The following MAMLD1 variants were observed in gnomAD, a reference collection of about 807,000 sequenced individuals.
MAMLD1 encodes the protein mastermind-like domain-containing protein 1.
Under a neutral mutation model 45.0 loss-of-function variants are expected in MAMLD1, and 14 were observed. That is an observed-to-expected ratio of 0.31 (90% CI 0.21 to 0.49). The LOEUF is 0.49. MAMLD1 is among the 20% of genes least tolerant of loss of function. The pLI is 0.99. For missense variants in MAMLD1, 543 were observed against 603.6 expected, an observed-to-expected ratio of 0.90 and a Z score of 1.05; for synonymous variants, 254 against 247.8, an observed-to-expected ratio of 1.02 and a Z score of -0.24.
chrX:150,491,986 A>G (rs1049255949), intron 5 of MAMLD1, among the ~76,000 whole-genome samples: 5 of 112,539 alleles, frequency 4.4e-5, no homozygotes, highest in Non-Finnish European at 9.4e-5. Context: ...TGCTTTCAAA[A>G]TGGCCAGCTG....
At chrX:150,487,092 G>T (rs1033879852) in intron 5 of MAMLD1, among the ~76,000 whole-genome samples, 1 of 111,161 alleles carries the variant, frequency 9.0e-6, no homozygotes, top group African/African-American at 3.3e-5. Flanking sequence ...TCCAGGGGCT[G>T]CTGCTGCTGC....
chrX:150,491,160 C>T (rs1458247920), intron 5 of MAMLD1, among the ~76,000 whole-genome samples: 1 of 111,315 alleles, frequency 9.0e-6, no homozygotes, highest in African/African-American at 3.3e-5. Context: ...CCTCACAACA[C>T]CCCCAAGCAG....
At chrX:150,364,897 T>C (rs1385354188) in intron 1 of MAMLD1, among the ~76,000 whole-genome samples, 2 of 112,393 alleles carry the variant, frequency 1.8e-5, no homozygotes, top group African/African-American at 6.5e-5. Context: ...GTTCCCTGGT[T>C]GCGGTGAGCC....
chrX:150,430,019 CTTTTTTTTT>C (rs1174092962), intron 1 of MAMLD1, among the ~76,000 whole-genome samples: 6 of 49,228 alleles, frequency 1.2e-4, no homozygotes, highest in Middle Eastern at 0.033. Flanking sequence ...TCTTTCTTTT[CTTTTTTTTT>C]TTTTTTTTTT....
intron 1 of MAMLD1, among the ~76,000 whole-genome samples, chrX:150,383,634 A>C (rs1439597634): frequency 9.0e-6 from 1 of 111,166 alleles, no homozygotes; most frequent in African/African-American, 3.3e-5. Flanking sequence ...CACCGAATTC[A>C]CCCATTTAAA....
In MAMLD1 at chrX:150,470,410, A is replaced by G. The variant is rs782153873; in HGVS notation, c.837A>G (p.Ala279=). Residue 279 remains alanine, a synonymous_variant, in exon 4 of 8, where the codon GCA becomes GCG. Coordinates refer to ENST00000370401, the MANE Select transcript of MAMLD1 (RefSeq NM_005491.5). The part of the protein sequence containing the change: ...KQIVSPSSSM[A]QSKSQVQAML... ...TAGTGTCACCGAGTTCTTCAATGGC[A>G]CAGTCCAAGAGCCAGGTCCAGGCCA... 3 of 1,211,777 alleles carry G rather than the reference A, an allele frequency of 2.5e-6. No homozygotes were observed. In the South Asian group the frequency reaches 5.3e-5, roughly 21 times the overall value.
chrX:150,514,069 A>G lies in MAMLD1; in HGVS notation c.*2110A>G, dbSNP rs921840040. 43 of 278,524 alleles carry G rather than the reference A, an allele frequency of 1.5e-4. No individual in the cohort carries two copies. Among genetic ancestry groups the G allele is most frequent in the Non-Finnish European group, 6.9e-5 (11 of 159,176 alleles). 23.0% of individuals were successfully genotyped at this position (278,524 alleles called of 1,213,427 possible). A position where few individuals can be genotyped will look rare whatever the true frequency, so the allele number is the denominator to read the frequency against. On this transcript the variant is annotated 3_prime_UTR_variant, in exon 8 of 8. Transcript: ENST00000370401. Reference sequence around the variant, plus strand: ...CTCAGTGTCCAGACTTTCTGTAATCACATTTTAATTGCCACCTCGTATTTC... The same window carrying G: ...CTCAGTGTCCAGACTTTCTGTAATCGCATTTTAATTGCCACCTCGTATTTC...
rs1371393783 is a variant in MAMLD1, at chrX:150,512,817, C to T, written c.*858C>T. On this transcript the variant is annotated 3_prime_UTR_variant, in exon 8 of 8. Coordinates refer to ENST00000370401, the MANE Select transcript of MAMLD1 (RefSeq NM_005491.5). The stretch of plus-strand genomic sequence containing the variant: ...CAGTTCCCAGGTCCGTTCGACAGAA[C>T]GGATATTCCCCCTGAGCTGCCACCT... 9.5e-6 allele frequency: 11 copies of T among 1,154,213 alleles called. No individual in the cohort carries two copies. In the East Asian group the frequency reaches 1.3e-4, roughly 14 times the overall value.
intron 2 of MAMLD1, among the ~76,000 whole-genome samples, chrX:150,457,380 C>A (rs1260824078): frequency 8.9e-6 from 1 of 112,059 alleles, no homozygotes; most frequent in African/African-American, 3.3e-5. Context: ...TGCAAGTTTC[C>A]AAGAAGACCA....
intron 1 of MAMLD1, among the ~76,000 whole-genome samples, chrX:150,414,189 G>T (rs1179193163): frequency 1.8e-5 from 2 of 110,984 alleles, no homozygotes; most frequent in Non-Finnish European, 3.8e-5. Context: ...AGAATAGTGA[G>T]TGAGTGCTTA....
At chrX:150,398,341 GAGGAAGA>G (rs2033594607) in intron 1 of MAMLD1, among the ~76,000 whole-genome samples, 3 of 64,971 alleles carry the variant, frequency 4.6e-5, no homozygotes, top group African/African-American at 5.5e-5. Context: ...AGAAGAAGAA[GAGGAAGA>G]GGAAGAGGAA....
At chrX:150,380,529 T>A (rs1040873457) in intron 1 of MAMLD1, among the ~76,000 whole-genome samples, 1 of 111,956 alleles carries the variant, frequency 8.9e-6, no homozygotes, top group African/African-American at 3.2e-5. Flanking sequence ...TTTTTTTATG[T>A]CGTCAAGTAT....
intron 1 of MAMLD1, among the ~76,000 whole-genome samples, chrX:150,392,132 G>A (rs2033205000): frequency 8.9e-6 from 1 of 112,179 alleles, no homozygotes; most frequent in Non-Finnish European, 1.9e-5. Context: ...TTGCTGCAAG[G>A]TGAAAGAGAA....
At chrX:150,447,764 C>G (rs138969773) in intron 2 of MAMLD1, among the ~76,000 whole-genome samples, 1,487 of 111,215 alleles carry the variant, frequency 0.013, 31 homozygotes, top group African/African-American at 0.047. Flanking sequence ...AGCTGGATCT[C>G]AGATGTTTCC....
chrX:150,455,827 C>T (rs2266828), intron 2 of MAMLD1, among the ~76,000 whole-genome samples: 38,439 of 104,471 alleles, frequency 0.37, 5,714 homozygotes, highest in Middle Eastern at 0.48. Flanking sequence ...CCTACAAAGC[C>T]TATAGTGTGC....
At chrX:150,495,246 C>CA (rs1195475247) in intron 5 of MAMLD1, among the ~76,000 whole-genome samples, 1 of 102,493 alleles carries the variant, frequency 9.8e-6, no homozygotes, top group Non-Finnish European at 2.1e-5. Context: ...ACAGCAACAG[C>CA]AAAAAACCTT....
chrX:150,393,725 G>A (rs781918959), intron 1 of MAMLD1, among the ~76,000 whole-genome samples: 1 of 112,183 alleles, frequency 8.9e-6, no homozygotes, highest in Non-Finnish European at 1.9e-5. Flanking sequence ...TTTGCCATTT[G>A]TGTATCTTCT....
chrX:150,493,171 T>A (rs986674944), intron 5 of MAMLD1, among the ~76,000 whole-genome samples: 1 of 111,635 alleles, frequency 9.0e-6, no homozygotes, highest in Non-Finnish European at 1.9e-5. Flanking sequence ...TCGGCATTCC[T>A]GACAAGAGCT....
chrX:150,423,386 T>TGTGTGTGTGTGTGTGTG (rs2034590514), intron 1 of MAMLD1, among the ~76,000 whole-genome samples: 10 of 96,886 alleles, frequency 1.0e-4, no homozygotes, highest in Non-Finnish European at 1.8e-4. Context: ...GTGTGTGTGT[T>TGTGTGTGTGTGTGTGTG]TGCACCTTTG....
Sources: gnomAD v4.1 joint callset for allele counts (sites outside exome capture counted in the v4.1 genomes callset) on GRCh38, gnomAD v4.1.1 for gene constraint, MANE v1.5 for transcripts, NCBI Gene and HGNC (gene_info 2026-07-23, HGNC 2026-07-21) for gene names.